Variants in ZNF16 observed in about 807,000 individuals in gnomAD.
The protein encoded by ZNF16 is zinc finger protein KOX9.
In ZNF16, 7 loss-of-function variants were observed where a neutral mutation model predicts 9.0. The observed-to-expected ratio is 0.78, with a 90% CI of 0.44 to 1.47. The LOEUF (loss-of-function observed/expected upper bound fraction) is 1.47, where lower values mean the gene tolerates loss of function less well. Among genes scored for constraint, ZNF16 ranks in the 40% most tolerant of loss-of-function variants. ZNF16 has a pLI of 0.01. For synonymous variants in ZNF16, 312 were observed against 301.5 expected (o/e 1.03, Z -0.36); for missense variants, 830 against 854.2 (o/e 0.97, Z 0.35).
rs1256581957 is a variant in ZNF16 at position 144,932,210 on chromosome 8, T to C, written c.577A>G (p.Ser193Gly). ...CCCTCATGACCAGTTAGGTCCACAC[T>C]GTGCTGGAAACTCTGGCCACCCATG... ...YDMGGQSFQH[S>G]VDLTGHEGVP... Residue 193 changes from serine (S) to glycine (G), a missense_variant, in exon 3 of 3, where the codon AGT becomes GGT. Physicochemically the swap from Ser to Gly is moderately conservative, Grantham distance 56. Coordinates refer to ENST00000394909, the MANE Select transcript of ZNF16 (RefSeq NM_006958.3). This position sits in a 1 kb window ranked among gnomAD's most constrained non-coding sequence, Gnocchi z 5.0. 2 of 1,614,198 alleles carry C rather than the reference T, an allele frequency of 1.2e-6. No homozygotes were observed. Among genetic ancestry groups the C allele is most frequent in the Non-Finnish European group, 1.7e-6 (2 of 1,180,038 alleles).
In ZNF16 at chr8:144,932,330, G is replaced by T. The variant is rs772187403; in HGVS notation, c.457C>A (p.Leu153Met). The T allele has an allele frequency of 3.1e-6, 5 of 1,614,170 alleles. No homozygotes were observed. The highest frequency in any genetic ancestry group is 4.2e-6 in the Non-Finnish European group (5 of 1,180,040). ...LLRGPLGEKD[L>M]DCNGFDSRFS... ...CGACTGTCAAAACCATTACAGTCCA[G>T]ATCTTTCTCCCCTAAGGGGCCCCTA... The change falls in exon 3 of 3, where the codon CTG becomes ATG. Residue 153 changes from leucine to methionine, a missense_variant. By Grantham distance (15) the Leu-to-Met change is conservative. Coordinates refer to ENST00000394909, the MANE Select transcript of ZNF16 (RefSeq NM_006958.3). The surrounding 1 kb of genome is among the most constrained non-coding windows in gnomAD (Gnocchi z 5.0).
rs547821713 is a variant in ZNF16 at position 144,946,580 on chromosome 8, T to C, written c.-9-365A>G. ...GCCTGTACCCTGCTGTGGGCCTGTG[T>C]CCTGCTGTGGGTCTGTATCCTGCTG... is the stretch of plus-strand genomic sequence containing the variant. On this transcript the variant is annotated intron_variant, in intron 1 of 2. Transcript: ENST00000394909. Among the ~76,000 whole-genome samples, 833 of 128,210 alleles carry C rather than the reference T, an allele frequency of 6.5e-3. 31 individuals carry two copies. The highest frequency in any genetic ancestry group is 0.022 in the African/African-American group (650 of 29,602). 84.1% of individuals were successfully genotyped at this position (128,210 alleles called of 152,430 possible).
chr8:144,932,354 T>C lies in ZNF16; in HGVS notation c.433A>G (p.Arg145Gly), dbSNP rs765764842. 5.0e-6 allele frequency: 8 copies of C among 1,613,934 alleles called. No homozygotes were observed. In the East Asian group the frequency reaches 1.6e-4, roughly 31 times the overall value. Residue 145 changes from arginine to glycine, a missense_variant, in exon 3 of 3, where the codon AGG becomes GGG. Transcript: ENST00000394909. This position sits in a 1 kb window ranked among gnomAD's most constrained non-coding sequence, Gnocchi z 5.0. ...AGATCTTTCTCCCCTAAGGGGCCCC[T>C]AAGGAGCCCCATGGCAGCTGGTGTG... Reference protein sequence around the residue: ...DFTPAAMGLLRGPLGEKDLDC... With the variant: ...DFTPAAMGLLGGPLGEKDLDC...
chr8:144,946,655 TCCTACTGTGGGCCTGTAC>T (rs1480978343), intron 1 of ZNF16, among the ~76,000 whole-genome samples: 4 of 112,704 alleles, frequency 3.5e-5, no homozygotes, highest in African/African-American at 7.2e-5. Context: ...TGGGCCTGTG[TCCTACTGTGGGCCTGTAC>T]CCTACTGTGG....
At chr8:144,940,542 C>T (rs1006603603) in intron 2 of ZNF16, among the ~76,000 whole-genome samples, 4 of 152,274 alleles carry the variant, frequency 2.6e-5, no homozygotes, top group South Asian at 2.1e-4. Context: ...CCAGTTTCCC[C>T]GCTGTTGCTG....
chr8:144,944,447 G>GTGGTGCTGGGTTACAGGCGTGAGCCACCA (rs1833880038), intron 2 of ZNF16: 2 of 146,532 alleles, frequency 1.4e-5, no homozygotes, highest in Non-Finnish European at 3.1e-5. Flanking sequence ...GTGAGCCACC[G>GTGGTGCTGGGTTACAGGCGTGAGCCACCA]TGGTGCTGGG....
In ZNF16 at chr8:144,932,684, G is replaced by C; in HGVS notation, c.197-94C>G. On this transcript the variant is annotated intron_variant, in intron 2 of 2. Coordinates refer to ENST00000394909, the MANE Select transcript of ZNF16 (RefSeq NM_006958.3). This position sits in a 1 kb window ranked among gnomAD's most constrained non-coding sequence, Gnocchi z 5.0. The stretch of plus-strand genomic sequence containing the variant: ...AGTTGCACCCACTAACTGTGGAGGA[G>C]GCAAGGGGAGCAGGGGATCCTCTGG... 1 of 1,362,930 alleles carries C rather than the reference G, an allele frequency of 7.3e-7. No homozygotes were observed. The highest frequency in any genetic ancestry group is 1.0e-6 in the Non-Finnish European group (1 of 993,540). 84.4% of individuals were successfully genotyped at this position (1,362,930 alleles called of 1,614,324 possible).
chr8:144,931,441 A>G lies in ZNF16; in HGVS notation c.1346T>C (p.Ile449Thr), dbSNP rs1485171021. Residue 449 changes from isoleucine (I) to threonine (T), a missense_variant, in exon 3 of 3, where the codon ATT (isoleucine) becomes ACT (threonine). Transcript: ENST00000394909. ...GKAFSQSSSLIQHRRIHTGEK... is the reference protein window; with the variant it reads ...GKAFSQSSSLTQHRRIHTGEK... ...TCCAGTGTGAATTCTCCGATGCTGA[A>G]TAAGGCTGGAGCTCTGACTAAATGC... is the stretch of plus-strand genomic sequence containing the variant. The G allele has an allele frequency of 1.9e-6, 3 of 1,614,032 alleles. No individual in the cohort carries two copies. Among genetic ancestry groups the G allele is most frequent in the South Asian group, 1.1e-5 (1 of 91,090 alleles).
intron 2 of ZNF16, among the ~76,000 whole-genome samples, chr8:144,935,601 C>G (rs547026245): frequency 1.3e-5 from 2 of 152,152 alleles, no homozygotes; most frequent in Non-Finnish European, 2.9e-5. Flanking sequence ...TACTCTGACA[C>G]CCAATTGGAA....
At chr8:144,937,100 T>TC in intron 2 of ZNF16, among the ~76,000 whole-genome samples, 1 of 151,462 alleles carries the variant, frequency 6.6e-6, no homozygotes, top group Middle Eastern at 3.4e-3. Flanking sequence ...TTTGCAGATT[T>TC]CCCCCCATTC....
In ZNF16 at chr8:144,931,993, T is replaced by TA; in HGVS notation, c.793dup (p.Tyr265LeufsTer18). On this transcript the variant is annotated frameshift_variant, in exon 3 of 3. Coordinates refer to ENST00000394909, the MANE Select transcript of ZNF16 (RefSeq NM_006958.3). LOFTEE classifies it low-confidence loss of function (END_TRUNC). ...GGCTTTCCCACATTCGCTGCACTGG[T>TA]AAGCTTTCTCACTCATATGAGATCG... 6.2e-7 allele frequency: 1 copy of TA among 1,614,206 alleles called. No individual in the cohort carries two copies. Among genetic ancestry groups the TA allele is most frequent in the Non-Finnish European group, 8.5e-7 (1 of 1,180,026 alleles).
intron 2 of ZNF16, among the ~76,000 whole-genome samples, chr8:144,939,984 CCTT>C (rs1382602698): frequency 4.6e-5 from 7 of 152,062 alleles, no homozygotes; most frequent in Admixed American, 1.3e-4. Context: ...CTGTTCTAAT[CCTT>C]CTTTTTTCTT....
intron 2 of ZNF16, among the ~76,000 whole-genome samples, chr8:144,934,314 C>G (rs1426988116): frequency 6.6e-6 from 1 of 152,252 alleles, no homozygotes; most frequent in African/African-American, 2.4e-5. Context: ...CTCCCTACTT[C>G]CTGGAGTCTG....
Position 144,932,711 on chromosome 8 carries a change from G to T in ZNF16, c.197-121C>A. On this transcript the variant is annotated intron_variant, in intron 2 of 2. Coordinates refer to ENST00000394909, the MANE Select transcript of ZNF16 (RefSeq NM_006958.3). The surrounding 1 kb of genome is among the most constrained non-coding windows in gnomAD (Gnocchi z 5.0). ...CAAGGGGAGCAGGGGATCCTCTGGGGTGGCAGTCCAGATCAGAGGGCATCA... is the reference window on the plus strand; with the variant it reads ...CAAGGGGAGCAGGGGATCCTCTGGGTTGGCAGTCCAGATCAGAGGGCATCA... 9.6e-7 allele frequency: 1 copy of T among 1,045,454 alleles called. No individual in the cohort carries two copies. The highest frequency in any genetic ancestry group is 1.4e-6 in the Non-Finnish European group (1 of 722,422). The allele number at this position is 1,045,454 out of a possible 1,614,324, so 64.8% of individuals were successfully genotyped here.
rs1487762362 is a variant in ZNF16, at chr8:144,931,541, G to A, written c.1246C>T (p.Arg416Trp). ...ECNDCGKPFS[R>W]VSNLIKHHRV... Reference sequence around the variant, plus strand: ...TGGTGCTTAATGAGGTTGGAGACCCGACTGAAGGGCTTGCCACAATCATTA... The same window carrying A: ...TGGTGCTTAATGAGGTTGGAGACCCAACTGAAGGGCTTGCCACAATCATTA... The change falls in exon 3 of 3, where the codon CGG becomes TGG. Residue 416 changes from arginine to tryptophan, a missense_variant. Physicochemically the swap from Arg to Trp is moderately radical, Grantham distance 101 (BLOSUM62 -3). Transcript: ENST00000394909. 12 of 1,613,846 alleles carry A rather than the reference G, an allele frequency of 7.4e-6. No homozygotes were observed. Among genetic ancestry groups the A allele is most frequent in the African/African-American group, 1.3e-5 (1 of 74,862 alleles).
In ZNF16 at chr8:144,947,311, CCCTGCTGCGGGCCTGTAT is replaced by C. The variant is rs1563926458; in HGVS notation, c.-9-1114_-9-1097del. 9.4e-3 allele frequency among the ~76,000 whole-genome samples: 276 copies of C among 29,484 alleles called. 12 individuals are homozygous for C. The highest frequency in any genetic ancestry group is 0.04 in the African/African-American group (255 of 6,428). 19.3% of individuals were successfully genotyped at this position (29,484 alleles called of 152,430 possible). A position where few individuals can be genotyped will look rare whatever the true frequency, so the allele number is the denominator to read the frequency against. On this transcript the variant is annotated intron_variant, in intron 1 of 2. Transcript: ENST00000394909. The stretch of plus-strand genomic sequence containing the variant: ...GCCTGTACCCTGCTGCGGGCCTGTA[CCCTGCTGCGGGCCTGTAT>C]CCTGCTGTGGGCCTGTGTCCTGTTG...
At position 144,931,865 on chromosome 8, in the gene ZNF16, G is replaced by A; in HGVS notation, c.922C>T (p.Leu308Phe). 2 of 1,614,188 alleles carry A rather than the reference G, an allele frequency of 1.2e-6. No individual in the cohort carries two copies. The highest frequency in any genetic ancestry group is 1.7e-6 in the Non-Finnish European group (2 of 1,180,042). Residue 308 changes from leucine to phenylalanine, a missense_variant, in exon 3 of 3, where the codon CTT becomes TTT. Coordinates refer to ENST00000394909, the MANE Select transcript of ZNF16 (RefSeq NM_006958.3). ...CGKAFSQNSS[L>F]KKHQKSHMSE... ...ATGTGAGACTTTTGGTGCTTTTTAA[G>A]GCTCGAGTTCTGGCTGAAGGCTTTT...
intron 2 of ZNF16, among the ~76,000 whole-genome samples, chr8:144,935,862 A>G (rs1271096158): frequency 1.3e-5 from 2 of 152,188 alleles, no homozygotes; most frequent in Non-Finnish European, 2.9e-5. Context: ...GGCATCTCAC[A>G]CTCAGATGGG....
Position 144,931,336 on chromosome 8 carries a change from G to A in ZNF16, c.1451C>T (p.Thr484Met), listed in dbSNP as rs753210600. 9.9e-6 allele frequency: 16 copies of A among 1,614,188 alleles called. No homozygotes were observed. Among genetic ancestry groups the A allele is most frequent in the Middle Eastern group, 1.6e-4 (1 of 6,062 alleles). ...SVLRKHQIIH[T>M]GEKPYRCSVC... Reference sequence around the variant, plus strand: ...ACTGCATCTGTACGGCTTCTCTCCCGTGTGGATGATCTGGTGCTTTCGGAG... The same window carrying A: ...ACTGCATCTGTACGGCTTCTCTCCCATGTGGATGATCTGGTGCTTTCGGAG... Residue 484 changes from threonine to methionine, a missense_variant, in exon 3 of 3, where the codon ACG becomes ATG. Physicochemically the swap from Thr to Met is moderately conservative, Grantham distance 81. Transcript: ENST00000394909.
Sources: gnomAD v4.1 joint callset for allele counts (sites outside exome capture counted in the v4.1 genomes callset) on GRCh38, gnomAD v4.1.1 for gene constraint, Gnocchi (gnomAD v3.1) non-coding constraint, MANE v1.5 for transcripts, NCBI Gene and HGNC (gene_info 2026-07-23, HGNC 2026-07-21) for gene names.